CD82: variants seen among roughly 807,000 people sequenced by gnomAD.
CD82 encodes CD82 molecule, also known as CD82 antigen.
Under a neutral mutation model 37.4 loss-of-function variants are expected in CD82, and 36 were observed. That is an observed-to-expected ratio of 0.96 (90% CI 0.74 to 1.27). The LOEUF is 1.27. Among genes scored for constraint, CD82 ranks in the 50% most tolerant of loss-of-function variants. CD82 has a pLI of 0.00. For missense variants in CD82, 340 were observed against 347.0 expected (o/e 0.98, Z 0.16); for synonymous variants, 158 against 137.4 (o/e 1.15, Z -1.05).
chr11:44,580,787 C>T (rs780339141), intron 1 of CD82, among the ~76,000 whole-genome samples: 1 of 152,138 alleles, frequency 6.6e-6, no homozygotes, highest in Non-Finnish European at 1.5e-5. Context: ...CCTAAATTCT[C>T]GTGATGAGAT....
chr11:44,609,981 C>G (rs1853457767), intron 6 of CD82, among the ~76,000 whole-genome samples: 1 of 152,202 alleles, frequency 6.6e-6, no homozygotes, highest in Non-Finnish European at 1.5e-5. Flanking sequence ...CATTTCCTAT[C>G]AGGGTACTGG....
At chr11:44,592,294 A>G (rs566558821) in intron 2 of CD82, among the ~76,000 whole-genome samples, 32 of 152,338 alleles carry the variant, frequency 2.1e-4, no homozygotes, top group African/African-American at 7.2e-4. Context: ...GCAATTTCAC[A>G]AGGATGCCAA....
Position 44,600,236 on chromosome 11 carries a change from G to C in CD82, c.136+6G>C. 1.2e-6 allele frequency: 2 copies of C among 1,613,872 alleles called. No individual in the cohort carries two copies. Among genetic ancestry groups the C allele is most frequent in the Non-Finnish European group, 1.7e-6 (2 of 1,179,810 alleles). ...CAGTTTCATCTCTGTCCTGCGTAAGGACCCCTCAGCTTCCCCAGACCCAGG... is the reference window on the plus strand; with the variant it reads ...CAGTTTCATCTCTGTCCTGCGTAAGCACCCCTCAGCTTCCCCAGACCCAGG... On this transcript the variant is annotated splice_donor_region_variant and intron_variant, in intron 4 of 9. Coordinates refer to ENST00000227155, the MANE Select transcript of CD82 (RefSeq NM_002231.4).
rs1307684463 is a variant in CD82, at chr11:44,605,439, T to G, written c.336+10T>G. ...CTTCAACATGGGCAAGGTAAGCCCC[T>G]CTCTCCCTCCCTCTTCACTGGGCTG... On this transcript the variant is annotated intron_variant, in intron 6 of 9. Coordinates refer to ENST00000227155, the MANE Select transcript of CD82 (RefSeq NM_002231.4). 3.7e-6 allele frequency: 6 copies of G among 1,612,860 alleles called. No homozygotes were observed. The Admixed American group carries it at 5.0e-5, about 13-fold the overall frequency.
chr11:44,588,234 G>GTTT (rs34456560), intron 2 of CD82, among the ~76,000 whole-genome samples: 1,677 of 148,388 alleles, frequency 0.011, 30 homozygotes, highest in African/African-American at 0.039. Flanking sequence ...TTTGTTTTTT[G>GTTT]TTTTTTTTAG....
chr11:44,601,669 G>A (rs540248182), intron 4 of CD82, among the ~76,000 whole-genome samples: 193 of 152,188 alleles, frequency 1.3e-3, no homozygotes, highest in Non-Finnish European at 2.0e-3. Context: ...CTCCCTGTTC[G>A]GGTCTGAGAA....
At chr11:44,573,982 G>C (rs2134620115) in intron 1 of CD82, among the ~76,000 whole-genome samples, 1 of 152,306 alleles carries the variant, frequency 6.6e-6, no homozygotes, top group Admixed American at 6.5e-5. Context: ...GATGAGCAAA[G>C]GCTGCTCCTG....
Position 44,618,948 on chromosome 11 carries a change from T to C in CD82, c.727-101T>C, listed in dbSNP as rs967853115. 3.2e-4 allele frequency: 344 copies of C among 1,091,782 alleles called. 1 individual carries two copies. The highest frequency in any genetic ancestry group is 4.4e-4 in the Non-Finnish European group (314 of 716,790). 67.6% of individuals were successfully genotyped at this position (1,091,782 alleles called of 1,614,324 possible). A position where few individuals can be genotyped will look rare whatever the true frequency, so the allele number is the denominator to read the frequency against. ...TCACAGGGTGGTTGTGAGGCTCAAG[T>C]TGAGGATCCACTTAATCCCCATGTA... On this transcript the variant is annotated intron_variant, in intron 9 of 9. Coordinates refer to ENST00000227155, the MANE Select transcript of CD82 (RefSeq NM_002231.4).
chr11:44,596,818 C>A (rs571322195), intron 3 of CD82: 2 of 441,358 alleles, frequency 4.5e-6, no homozygotes, highest in Admixed American at 2.4e-5. Context: ...CGGAAGAGCC[C>A]TGATTGCTAT....
intron 6 of CD82, among the ~76,000 whole-genome samples, chr11:44,611,477 G>A (rs1027543184): frequency 6.6e-6 from 1 of 152,246 alleles, no homozygotes; most frequent in Non-Finnish European, 1.5e-5. Flanking sequence ...TGCCTGTGAT[G>A]TGGATGGCAC....
intron 9 of CD82, 48 bp downstream of exon 9, chr11:44,618,771 T>C (rs911970440): frequency 6.7e-7 from 1 of 1,501,426 alleles, no homozygotes; most frequent in East Asian, 2.3e-5. Context: ...TCCTCCTGGG[T>C]TGTCTCTGTT....
chr11:44,592,928 A>G (rs1399828802), intron 2 of CD82, among the ~76,000 whole-genome samples: 4 of 152,064 alleles, frequency 2.6e-5, no homozygotes, highest in African/African-American at 9.7e-5. Context: ...GCTCACTACC[A>G]CCCAGGCAGC....
At position 44,579,433 on chromosome 11, in the gene CD82, C is replaced by A. The variant is rs140828125; in HGVS notation, c.-102-8042C>A. ...TTCCAGGCCGGCCTCACCGCAGGCT[C>A]CCCTAGACTTCCTGGTGAGACCTGA... On this transcript the variant is annotated intron_variant, in intron 1 of 9. Transcript: ENST00000227155. Among the ~76,000 whole-genome samples, 267 of 152,188 alleles carry A rather than the reference C, an allele frequency of 1.8e-3. 2 individuals are homozygous for A. The highest frequency in any genetic ancestry group is 0.015 in the South Asian group (72 of 4,820).
intron 2 of CD82, among the ~76,000 whole-genome samples, chr11:44,591,079 C>T (rs1178313698): frequency 6.6e-6 from 1 of 152,360 alleles, no homozygotes; most frequent in African/African-American, 2.4e-5. Flanking sequence ...GGGAGCTGCC[C>T]ATCCCAGGTT....
rs1487007888 is a variant in CD82, at chr11:44,587,525, C to T, written c.-52C>T. The T allele has an allele frequency of 1.8e-5, 8 of 456,314 alleles. No individual in the cohort carries two copies. The highest frequency in any genetic ancestry group is 3.1e-5 in the Non-Finnish European group (7 of 226,966). 28.3% of individuals were successfully genotyped at this position (456,314 alleles called of 1,614,324 possible). On this transcript the variant is annotated 5_prime_UTR_variant, in exon 2 of 10. Transcript: ENST00000227155. ...ACACGTGGGCACAGGCAGAAGTGGGCCCTGTGACCAGCTGCACTGGTTTCG... is the reference window on the plus strand; with the variant it reads ...ACACGTGGGCACAGGCAGAAGTGGGTCCTGTGACCAGCTGCACTGGTTTCG...
chr11:44,584,369 C>T (rs914358767), intron 1 of CD82, among the ~76,000 whole-genome samples: 5 of 152,182 alleles, frequency 3.3e-5, no homozygotes, highest in African/African-American at 1.2e-4. Context: ...TCACTGCAAC[C>T]TCTGCTTCCC....
intron 1 of CD82, among the ~76,000 whole-genome samples, chr11:44,577,102 A>G (rs1308467768): frequency 1.3e-5 from 2 of 151,996 alleles, no homozygotes; most frequent in Non-Finnish European, 2.9e-5. Flanking sequence ...CCAAGAACCC[A>G]TGGGGAGGCA....
chr11:44,598,433 A>T (rs1197107397), intron 3 of CD82, among the ~76,000 whole-genome samples: 1 of 9,816 alleles, frequency 1.0e-4, no homozygotes, highest in Non-Finnish European at 2.0e-4. Context: ...TTTTTTTGAG[A>T]CGGAGTCTCA....
At chr11:44,618,585 T>G in intron 8 of CD82, 55 bp from the exon 9 acceptor site, 1 of 1,444,032 alleles carries the variant, frequency 6.9e-7, no homozygotes, top group Non-Finnish European at 9.6e-7. Flanking sequence ...TGGTTCTGCA[T>G]GGCGGGGTGG....
Sources: gnomAD v4.1 joint callset for allele counts (sites outside exome capture counted in the v4.1 genomes callset) on GRCh38, gnomAD v4.1.1 for gene constraint, MANE v1.5 for transcripts, NCBI Gene and HGNC (gene_info 2026-07-23, HGNC 2026-07-21) for gene names.